Variants in RAB27A observed in about 807,000 individuals in gnomAD.
RAB27A encodes RAB27A, member RAS oncogene family.
A neutral mutation model predicts 20.8 loss-of-function variants in RAB27A; 17 were observed. That is an observed-to-expected ratio of 0.82 (90% CI 0.56 to 1.23). The LOEUF is 1.23. Ranked by LOEUF, RAB27A falls within the 50% of genes most tolerant of loss-of-function variation. The pLI, the probability that RAB27A is intolerant of heterozygous loss-of-function variation, is 0.00. For missense variants in RAB27A, 277 were observed against 266.7 expected, an observed-to-expected ratio of 1.04 and a Z score of -0.27; for synonymous variants, 85 against 92.8, an observed-to-expected ratio of 0.92 and a Z score of 0.48.
intron 2 of RAB27A, among the ~76,000 whole-genome samples, chr15:55,240,171 C>A (rs74015535): frequency 0.046 from 6,936 of 152,238 alleles, 546 homozygotes; most frequent in African/African-American, 0.16. Context: ...AGAAAATACT[C>A]CACTCCTCAA....
Position 55,205,552 on chromosome 15 carries a change from C to T in RAB27A, c.621G>A (p.Thr207=), listed in dbSNP as rs764546558. Residue 207 remains threonine, a synonymous_variant, in exon 7 of 7, where the codon ACG becomes ACA. Coordinates refer to ENST00000336787, the MANE Select transcript of RAB27A (RefSeq NM_183235.3). ...GVVRSNGHAS[T]DQLSEEKEKG... is the part of the protein sequence containing the mutation. The stretch of plus-strand genomic sequence containing the variant: ...TCTCCTTTTCTTCACTTAACTGATC[C>T]GTAGAGGCATGACCATTTGATCGCA... The T allele has an allele frequency of 1.7e-5, 28 of 1,614,066 alleles. No individual in the cohort carries two copies. Among genetic ancestry groups the T allele is most frequent in the Admixed American group, 8.3e-5 (5 of 60,004 alleles).
chr15:55,288,267 T>TC (rs1041289503), intron 1 of RAB27A, among the ~76,000 whole-genome samples: 3 of 152,152 alleles, frequency 2.0e-5, no homozygotes, highest in Admixed American at 1.3e-4. Context: ...AAGCCTATAA[T>TC]CCCAGCACTT....
At chr15:55,206,745 T>C (rs1167600164) in intron 6 of RAB27A, among the ~76,000 whole-genome samples, 1 of 152,200 alleles carries the variant, frequency 6.6e-6, no homozygotes, top group Non-Finnish European at 1.5e-5. Context: ...ACAACAGTCT[T>C]ATCTTTTTGA....
chr15:55,290,718 C>A (rs1898286310), upstream of RAB27A, among the ~76,000 whole-genome samples: 1 of 152,226 alleles, frequency 6.6e-6, no homozygotes, highest in Admixed American at 6.5e-5. Context: ...TCGTGGTTCC[C>A]ACTCAGAGGC....
At chr15:55,306,088 C>T (rs2054995782) in intron 2 of RAB27A, among the ~76,000 whole-genome samples, 1 of 152,100 alleles carries the variant, frequency 6.6e-6, no homozygotes, top group Admixed American at 6.6e-5. Flanking sequence ...AAAAAATATT[C>T]CTGAGGGTAG....
chr15:55,302,606 CACCATCCCATCTA>C (rs2054977307), intron 2 of RAB27A, among the ~76,000 whole-genome samples: 1 of 129,168 alleles, frequency 7.7e-6, no homozygotes, highest in Non-Finnish European at 1.6e-5. Context: ...TCCGCCCGGC[CACCATCCCATCTA>C]GGAAGTGAGG....
intron 1 of RAB27A, among the ~76,000 whole-genome samples, chr15:55,280,899 G>A (rs1418754817): frequency 6.6e-6 from 1 of 152,106 alleles, no homozygotes; most frequent in Non-Finnish European, 1.5e-5. Context: ...TCTTAATCCA[G>A]TCTATCATTG....
chr15:55,299,430 C>T (rs936326805), intron 2 of RAB27A, among the ~76,000 whole-genome samples: 1 of 152,060 alleles, frequency 6.6e-6, no homozygotes, highest in Non-Finnish European at 1.5e-5. Context: ...CCCGTCTCTA[C>T]TAAAAATACA....
rs1245330844 is a variant in RAB27A at position 55,232,258 on chromosome 15, C to T, written c.154-1772G>A. Among the ~76,000 whole-genome samples, 9 of 152,276 alleles carry T rather than the reference C, an allele frequency of 5.9e-5. No individual in the cohort carries two copies. The East Asian group carries it at 1.7e-3, about 29-fold the overall frequency. ...GTTGACTGAGCAGAGACTTCAGTAG[C>T]TGCATACAAAGAATACAGATTTTGC... On this transcript the variant is annotated intron_variant, in intron 3 of 6. Coordinates refer to ENST00000336787, the MANE Select transcript of RAB27A (RefSeq NM_183235.3).
rs1313912904 is a variant in RAB27A, at chr15:55,204,331, A to G, written c.*1176T>C. 1 of 152,238 alleles carries G rather than the reference A, an allele frequency of 6.6e-6. No homozygotes were observed. The highest frequency in any genetic ancestry group is 1.5e-5 in the Non-Finnish European group (1 of 68,042). The allele number at this position is 152,238 out of a possible 1,614,324, so 9.4% of individuals were successfully genotyped here. On this transcript the variant is annotated 3_prime_UTR_variant, in exon 7 of 7. Transcript: ENST00000336787. ...ATAAATGATCTTGGCAAGACCCAGC[A>G]AGTACAGTAAATGCTCATGAGCTCT...
intron 6 of RAB27A, among the ~76,000 whole-genome samples, chr15:55,214,307 A>G (rs368980311): frequency 4.3e-4 from 65 of 152,176 alleles, no homozygotes; most frequent in South Asian, 3.7e-3. Context: ...ATGGTGGTGG[A>G]CGCCTGTAGT....
In RAB27A at chr15:55,209,610, G is replaced by C. The variant is rs113477195; in HGVS notation, c.468-3905C>G. On this transcript the variant is annotated intron_variant, in intron 6 of 6. Coordinates refer to ENST00000336787, the MANE Select transcript of RAB27A (RefSeq NM_183235.3). Reference sequence around the variant, plus strand: ...TGCAATAAACATGGGAGTACAGAGAGCAAATACCCTTTTGATATATCTGAT... The same window carrying C: ...TGCAATAAACATGGGAGTACAGAGACCAAATACCCTTTTGATATATCTGAT... 2.2e-3 allele frequency among the ~76,000 whole-genome samples: 328 copies of C among 151,860 alleles called. 2 individuals carry two copies. Among genetic ancestry groups the C allele is most frequent in the African/African-American group, 7.7e-3 (319 of 41,390 alleles).
chr15:55,297,752 G>A lies in RAB27A; in HGVS notation c.-112+16287C>T, dbSNP rs546650430. On this transcript the variant is annotated intron_variant, in intron 2 of 5. Transcript: ENST00000563262. ...AATTACGCAGCCAGCCCTGATAGTA[G>A]TAATGGATTGTAACCCACAAAATAG... 2.0e-5 allele frequency among the ~76,000 whole-genome samples: 3 copies of A among 152,324 alleles called. No homozygotes were observed. The East Asian group carries it at 5.8e-4, about 29-fold the overall frequency.
intron 2 of RAB27A, among the ~76,000 whole-genome samples, chr15:55,255,330 T>G (rs867285790): frequency 6.6e-6 from 1 of 152,228 alleles, no homozygotes; most frequent in African/African-American, 2.4e-5. Flanking sequence ...TATGAATGAA[T>G]GCTTTGGCTA....
At chr15:55,273,303 G>A (rs1467669734) in intron 1 of RAB27A, among the ~76,000 whole-genome samples, 1 of 151,830 alleles carries the variant, frequency 6.6e-6, no homozygotes, top group Admixed American at 6.6e-5. Context: ...CAGCTACTAG[G>A]GAGGCTGAGG....
chr15:55,246,119 A>G (rs889200639), intron 2 of RAB27A, among the ~76,000 whole-genome samples: 1 of 151,146 alleles, frequency 6.6e-6, no homozygotes, highest in African/African-American at 2.4e-5. Context: ...ATAAATATAT[A>G]TACACATTTA....
chr15:55,262,017 A>C (rs981371459), intron 2 of RAB27A, among the ~76,000 whole-genome samples: 1 of 151,324 alleles, frequency 6.6e-6, no homozygotes, highest in Non-Finnish European at 1.5e-5. Flanking sequence ...GGCCTGGGTG[A>C]CAGGGCGAGA....
intron 2 of RAB27A, among the ~76,000 whole-genome samples, chr15:55,267,453 G>GC (rs1385748122): frequency 6.6e-6 from 1 of 151,936 alleles, no homozygotes; most frequent in Non-Finnish European, 1.5e-5. Flanking sequence ...TCCCCTACCT[G>GC]CCCCCCAGCC....
chr15:55,304,003 G>A (rs937724943), intron 2 of RAB27A, among the ~76,000 whole-genome samples: 16 of 151,372 alleles, frequency 1.1e-4, no homozygotes, highest in Admixed American at 2.6e-4. Flanking sequence ...TGACAATGGC[G>A]GCTTTGTGGA....
Sources: allele counts gnomAD v4.1 joint callset (sites outside exome capture counted in the v4.1 genomes callset), GRCh38; gene constraint gnomAD v4.1.1; transcripts MANE v1.5; gene names NCBI Gene and HGNC (gene_info 2026-07-23, HGNC 2026-07-21).